DDAH1: variants seen among roughly 807,000 people sequenced by gnomAD.
DDAH1 encodes the protein N(G),N(G)-dimethylarginine dimethylaminohydrolase 1.
A neutral mutation model predicts 28.8 loss-of-function variants in DDAH1; 19 were observed. The observed-to-expected ratio is 0.66, with a 90% CI of 0.46 to 0.97. The LOEUF (loss-of-function observed/expected upper bound fraction) is 0.97, where lower values mean the gene tolerates loss of function less well. DDAH1 is among the 50% of genes least tolerant of loss of function. The pLI, the probability that DDAH1 is intolerant of heterozygous loss-of-function variation, is 0.00. For missense variants in DDAH1, 326 were observed against 375.9 expected (o/e 0.87, Z 1.10); for synonymous variants, 153 against 154.4 (o/e 0.99, Z 0.07).
chr1:85,483,716 T>A (rs1325705630), intron 2 of DDAH1, among the ~76,000 whole-genome samples: 1 of 152,176 alleles, frequency 6.6e-6, no homozygotes, highest in East Asian at 1.9e-4. Flanking sequence ...CAGAGCCCTT[T>A]GGATTTCTGA....
intron 1 of DDAH1, among the ~76,000 whole-genome samples, chr1:85,561,617 A>G (rs187121439): frequency 4.6e-5 from 7 of 152,282 alleles, no homozygotes; most frequent in South Asian, 2.1e-4. Flanking sequence ...AAGTACCAAG[A>G]TAGTCTCTCA....
intron 1 of DDAH1, among the ~76,000 whole-genome samples, chr1:85,428,614 G>C (rs763409205): frequency 2.0e-5 from 3 of 152,082 alleles, no homozygotes; most frequent in Non-Finnish European, 4.4e-5. Flanking sequence ...TTGTTGCCAA[G>C]GTCAGAGAAC....
chr1:85,413,612 T>C (rs923247780), intron 1 of DDAH1, among the ~76,000 whole-genome samples: 2 of 152,222 alleles, frequency 1.3e-5, no homozygotes, highest in African/African-American at 4.8e-5. Flanking sequence ...AAGCAAGGTA[T>C]AGAAAACAGG....
At chr1:85,437,807 T>G (rs1654010441) in intron 1 of DDAH1, among the ~76,000 whole-genome samples, 1 of 152,204 alleles carries the variant, frequency 6.6e-6, no homozygotes, top group South Asian at 2.1e-4. Context: ...GATTAACCAT[T>G]AATGTTAGGA....
At chr1:85,395,670 C>A (rs1651775810) in intron 1 of DDAH1, among the ~76,000 whole-genome samples, 1 of 57,250 alleles carries the variant, frequency 1.7e-5, no homozygotes, top group African/African-American at 5.0e-5. Flanking sequence ...GAGACTCCAT[C>A]TCAAAAAAAA....
Position 85,324,656 on chromosome 1 carries a change from G to A in DDAH1, c.741+84C>T, listed in dbSNP as rs1647256360. 10 of 1,462,400 alleles carry A rather than the reference G, an allele frequency of 6.8e-6. No homozygotes were observed. The South Asian group carries it at 1.2e-4, about 18-fold the overall frequency. The allele number at this position is 1,462,400 out of a possible 1,614,324, so 90.6% of individuals were successfully genotyped here. ...TTGTTTGATATGTATACAGGAAAAG[G>A]AGGCTCCTATTGGTCACTCCTTTAT... On this transcript the variant is annotated intron_variant, in intron 5 of 5. Transcript: ENST00000284031.
Position 85,318,685 on chromosome 1 carries a change from A to C in DDAH1, c.*2767T>G, listed in dbSNP as rs1285006571. 5 of 152,638 alleles carry C rather than the reference A, an allele frequency of 3.3e-5. No homozygotes were observed. Among genetic ancestry groups the C allele is most frequent in the Non-Finnish European group, 7.3e-5 (5 of 68,040 alleles). The allele number at this position is 152,638 out of a possible 1,614,324, so 9.5% of individuals were successfully genotyped here. A position where few individuals can be genotyped will look rare whatever the true frequency, so the allele number is the denominator to read the frequency against. On this transcript the variant is annotated 3_prime_UTR_variant, in exon 6 of 6. Coordinates refer to ENST00000284031, the MANE Select transcript of DDAH1 (RefSeq NM_012137.4). ...AAATAAAATGCACAAATCTAACACCATGTTGAAATCATGTCTGAGTTCTGG... is the reference window on the plus strand; with the variant it reads ...AAATAAAATGCACAAATCTAACACCCTGTTGAAATCATGTCTGAGTTCTGG...
At chr1:85,467,366 T>G (rs1655425029), upstream of DDAH1, 1 of 152,194 alleles carries the variant, frequency 6.6e-6, no homozygotes, top group Admixed American at 6.5e-5. Context: ...TGTGTACCAC[T>G]CTGGGCTCAT....
At chr1:85,514,343 T>G (rs12038066) in intron 1 of DDAH1, among the ~76,000 whole-genome samples, 1 of 152,044 alleles carries the variant, frequency 6.6e-6, no homozygotes, top group African/African-American at 2.4e-5. Context: ...ATGAGATCAC[T>G]TGGACACAGG....
At chr1:85,331,303 A>T (rs906888173) in intron 4 of DDAH1, among the ~76,000 whole-genome samples, 1 of 152,188 alleles carries the variant, frequency 6.6e-6, no homozygotes, top group African/African-American at 2.4e-5. Flanking sequence ...TTCATGGAAC[A>T]ATTTAGAACT....
rs1410641273 is a variant in DDAH1, at chr1:85,407,407, C to T, written c.304-48560G>A. Among the ~76,000 whole-genome samples, 4 of 152,178 alleles carry T rather than the reference C, an allele frequency of 2.6e-5. No homozygotes were observed. The East Asian group carries it at 7.7e-4, about 29-fold the overall frequency. On this transcript the variant is annotated intron_variant, in intron 1 of 5. Coordinates refer to ENST00000284031, the MANE Select transcript of DDAH1 (RefSeq NM_012137.4). ...GTCTGAATAAACTCACATTGCTAGA[C>T]ACTATGGTAAAATGTACCCTGACCT...
intron 1 of DDAH1, among the ~76,000 whole-genome samples, chr1:85,395,627 G>A (rs1479849755): frequency 1.3e-5 from 2 of 151,064 alleles, no homozygotes; most frequent in African/African-American, 2.4e-5. Context: ...AGCTGAGATC[G>A]CACCATTGCA....
intron 1 of DDAH1, among the ~76,000 whole-genome samples, chr1:85,361,503 G>A (rs1290485119): frequency 6.6e-6 from 1 of 152,134 alleles, no homozygotes; most frequent in East Asian, 1.9e-4. Context: ...CGGCTGAGCT[G>A]AATGGGTCAT....
intron 2 of DDAH1, 74 bp downstream of exon 2, chr1:85,358,674 A>C: frequency 4.3e-6 from 5 of 1,172,672 alleles, no homozygotes; most frequent in Non-Finnish European, 6.1e-6. Context: ...AACACAAAAA[A>C]CTATAATAAA....
intron 1 of DDAH1, among the ~76,000 whole-genome samples, chr1:85,370,187 G>A (rs185166358): frequency 1.8e-3 from 281 of 152,288 alleles, no homozygotes; most frequent in Non-Finnish European, 3.7e-3. Flanking sequence ...AAGAAGAGCA[G>A]ACTAGGATAA....
intron 1 of DDAH1, among the ~76,000 whole-genome samples, chr1:85,386,032 C>T (rs1402532249): frequency 6.6e-6 from 1 of 152,138 alleles, no homozygotes; most frequent in Non-Finnish European, 1.5e-5. Context: ...TGGCACCAAG[C>T]ATGAGGGATC....
At chr1:85,574,380 A>G (rs966834609) in intron 1 of DDAH1, among the ~76,000 whole-genome samples, 1 of 152,260 alleles carries the variant, frequency 6.6e-6, no homozygotes, top group Admixed American at 6.5e-5. Context: ...CAGCAAGGCC[A>G]TTCGCAGATG....
At chr1:85,365,561 A>T (rs1386351192) in intron 1 of DDAH1, among the ~76,000 whole-genome samples, 4 of 152,206 alleles carry the variant, frequency 2.6e-5, no homozygotes, top group Admixed American at 1.3e-4. Context: ...ATCTTTAGGT[A>T]GTCAACAGTG....
intron 1 of DDAH1, among the ~76,000 whole-genome samples, chr1:85,551,389 T>A (rs1658785671): frequency 6.6e-6 from 1 of 152,210 alleles, no homozygotes; most frequent in Non-Finnish European, 1.5e-5. Flanking sequence ...ATTACTTCGG[T>A]AACTGTATGT....
Sources: gnomAD v4.1 joint callset for allele counts (sites outside exome capture counted in the v4.1 genomes callset) on GRCh38, gnomAD v4.1.1 for gene constraint, MANE v1.5 for transcripts, NCBI Gene and HGNC (gene_info 2026-07-23, HGNC 2026-07-21) for gene names.